Variants in NSMCE1 observed in about 807,000 individuals in gnomAD.
The protein encoded by NSMCE1 is NSE1 component of SMC5/6 complex.
Under a neutral mutation model 29.6 loss-of-function variants are expected in NSMCE1, and 18 were observed. The ratio of observed to expected loss-of-function variants is 0.61; its 90% CI spans 0.42 to 0.90. The LOEUF is 0.90. Ranked by LOEUF, NSMCE1 falls within the 40% of genes least tolerant of loss-of-function variation. The pLI is 0.00. For missense variants in NSMCE1, 314 were observed against 343.6 expected, an observed-to-expected ratio of 0.91 and a Z score of 0.68; for synonymous variants, 124 against 133.4, an observed-to-expected ratio of 0.93 and a Z score of 0.49.
At chr16:27,252,743 A>AC (rs1424999790) in intron 2 of NSMCE1, among the ~76,000 whole-genome samples, 2 of 151,968 alleles carry the variant, frequency 1.3e-5, no homozygotes, top group Non-Finnish European at 2.9e-5. Context: ...ACATGGTGAA[A>AC]CCCCATCTCT....
intron 2 of NSMCE1, among the ~76,000 whole-genome samples, chr16:27,236,996 T>C (rs114307515): frequency 0.016 from 2,469 of 150,830 alleles, 69 homozygotes; most frequent in African/African-American, 0.056. Flanking sequence ...CAATGGAGGA[T>C]GTGGCCGTGT....
At chr16:27,242,986 C>T (rs766664706) in intron 2 of NSMCE1, among the ~76,000 whole-genome samples, 8 of 152,170 alleles carry the variant, frequency 5.3e-5, no homozygotes, top group African/African-American at 1.4e-4. Context: ...TTGCACTGAG[C>T]GAACTGAAAA....
At chr16:27,228,037 G>A (rs1317094884) in intron 5 of NSMCE1, among the ~76,000 whole-genome samples, 1 of 151,988 alleles carries the variant, frequency 6.6e-6, no homozygotes. Context: ...CGCCCACCTC[G>A]GCCTTCCAAA....
At chr16:27,250,879 G>A (rs982401561) in intron 2 of NSMCE1, among the ~76,000 whole-genome samples, 2 of 101,226 alleles carry the variant, frequency 2.0e-5, no homozygotes, top group East Asian at 5.5e-4. Flanking sequence ...TTTTGCTCTT[G>A]TTGCCCAGGC....
intron 1 of NSMCE1, among the ~76,000 whole-genome samples, chr16:27,266,787 GATAAACA>G (rs1228072902): frequency 4.6e-5 from 7 of 152,086 alleles, no homozygotes; most frequent in Non-Finnish European, 8.8e-5. Flanking sequence ...TATTTTCCCG[GATAAACA>G]GATTTTTTTT....
intron 2 of NSMCE1, chr16:27,241,487 G>A (rs1036973983): frequency 2.3e-5 from 4 of 175,470 alleles, no homozygotes; most frequent in South Asian, 1.2e-4. Context: ...ACCCTGGGCT[G>A]GGAAGAAGGA....
At chr16:27,254,656 G>C (rs1305418336) in intron 2 of NSMCE1, among the ~76,000 whole-genome samples, 1 of 152,128 alleles carries the variant, frequency 6.6e-6, no homozygotes, top group South Asian at 2.1e-4. Flanking sequence ...TGCAACCTCA[G>C]CTCACTGCAA....
chr16:27,250,028 A>C (rs1452769417), intron 2 of NSMCE1, among the ~76,000 whole-genome samples: 1 of 152,222 alleles, frequency 6.6e-6, no homozygotes, highest in African/African-American at 2.4e-5. Flanking sequence ...GTTATTATAA[A>C]TGGTGCTATT....
chr16:27,238,375 C>T (rs1251136023), intron 2 of NSMCE1, among the ~76,000 whole-genome samples: 3 of 152,150 alleles, frequency 2.0e-5, no homozygotes, highest in Non-Finnish European at 2.9e-5. Flanking sequence ...CTTCCCCAAC[C>T]AGATAAGCTG....
chr16:27,246,168 G>A (rs2083956027), intron 2 of NSMCE1, among the ~76,000 whole-genome samples: 1 of 152,146 alleles, frequency 6.6e-6, no homozygotes, highest in African/African-American at 2.4e-5. Flanking sequence ...CATGATACTT[G>A]ACTCACTCAT....
At chr16:27,266,974 T>C (rs2084232936) in intron 1 of NSMCE1, among the ~76,000 whole-genome samples, 2 of 152,156 alleles carry the variant, frequency 1.3e-5, no homozygotes, top group Admixed American at 1.3e-4. Context: ...TTTAATCCCA[T>C]GTATAATATA....
intron 1 of NSMCE1, among the ~76,000 whole-genome samples, chr16:27,259,055 G>A (rs576627184): frequency 6.6e-6 from 1 of 152,254 alleles, no homozygotes; most frequent in South Asian, 2.1e-4. Context: ...AGCCAGTGCT[G>A]TTCTTTAACA....
chr16:27,243,165 C>A (rs1253414081), intron 2 of NSMCE1, among the ~76,000 whole-genome samples: 1 of 152,236 alleles, frequency 6.6e-6, no homozygotes, highest in African/African-American at 2.4e-5. Flanking sequence ...CGGTTGTTTT[C>A]TGTTTAACCT....
chr16:27,254,260 A>C (rs2084062038), intron 2 of NSMCE1, among the ~76,000 whole-genome samples: 1 of 152,214 alleles, frequency 6.6e-6, no homozygotes, highest in African/African-American at 2.4e-5. Context: ...ATTTTTCTTA[A>C]ATGAAGATAG....
Position 27,225,132 on chromosome 16 carries a change from C to CCAGCCCTG in NSMCE1, c.*24_*25insCAGGGCTG. 1 of 1,481,348 alleles carries CCAGCCCTG rather than the reference C, an allele frequency of 6.8e-7. No homozygotes were observed. Among genetic ancestry groups the CCAGCCCTG allele is most frequent in the Non-Finnish European group, 9.3e-7 (1 of 1,070,104 alleles). 91.8% of individuals were successfully genotyped at this position (1,481,348 alleles called of 1,614,324 possible). A position where few individuals can be genotyped will look rare whatever the true frequency, so the allele number is the denominator to read the frequency against. ...GTGGCGATCAGGCCACTCAAGGCAGCCAGCCCCTCAGCAGGGCACGATGGC... is the reference window on the plus strand; with the variant it reads ...GTGGCGATCAGGCCACTCAAGGCAGCCAGCCCTGCAGCCCCTCAGCAGGGCACGATGGC... On this transcript the variant is annotated 3_prime_UTR_variant, in exon 8 of 8. Transcript: ENST00000361439.
intron 2 of NSMCE1, among the ~76,000 whole-genome samples, chr16:27,247,265 T>A (rs6498003): frequency 1.8e-3 from 272 of 152,254 alleles, no homozygotes; most frequent in African/African-American, 6.2e-3. Context: ...GTGAGTGAGT[T>A]CTCAAGAGAT....
chr16:27,254,866 CTTTTTTTT>C (rs61088115), intron 2 of NSMCE1, among the ~76,000 whole-genome samples: 540 of 46,854 alleles, frequency 0.012, no homozygotes, highest in Non-Finnish European at 0.015. Flanking sequence ...TCCAACCATG[CTTTTTTTT>C]TTTTTTTTTT....
chr16:27,251,450 A>G (rs924525414), intron 2 of NSMCE1, among the ~76,000 whole-genome samples: 2 of 152,098 alleles, frequency 1.3e-5, no homozygotes, highest in African/African-American at 4.8e-5. Flanking sequence ...TCAACCCTGC[A>G]AAATCAGGAT....
chr16:27,238,337 T>G (rs959329896), intron 2 of NSMCE1, among the ~76,000 whole-genome samples: 2 of 152,252 alleles, frequency 1.3e-5, no homozygotes, highest in African/African-American at 4.8e-5. Context: ...CCCAGCCTCC[T>G]GATCCTCTGG....
Sources: allele counts gnomAD v4.1 joint callset (sites outside exome capture counted in the v4.1 genomes callset), GRCh38; gene constraint gnomAD v4.1.1; transcripts MANE v1.5; gene names NCBI Gene and HGNC (gene_info 2026-07-23, HGNC 2026-07-21).